THRB: variants seen among roughly 807,000 people sequenced by gnomAD.
The protein encoded by THRB is nuclear receptor subfamily 1 group A member 2.
A neutral mutation model predicts 47.8 loss-of-function variants in THRB; 12 were observed. The observed-to-expected ratio is 0.25, with a 90% CI of 0.16 to 0.41. The LOEUF (loss-of-function observed/expected upper bound fraction) is 0.41. Among genes scored for constraint, THRB ranks in the 10% least tolerant of loss-of-function variants. The probability of loss-of-function intolerance (pLI) is 1.00; values close to 1 mark genes in which losing one functional copy is unlikely to be tolerated. For synonymous variants in THRB, 218 were observed against 212.2 expected, an observed-to-expected ratio of 1.03 and a Z score of -0.24; for missense variants, 348 against 589.2, an observed-to-expected ratio of 0.59 and a Z score of 4.24.
At chr3:24,224,162 T>C (rs1006086043) in intron 4 of THRB, among the ~76,000 whole-genome samples, 4 of 151,356 alleles carry the variant, frequency 2.6e-5, no homozygotes, top group Non-Finnish European at 4.4e-5. Flanking sequence ...TCCTTTAACA[T>C]AGTAGAGTTT....
chr3:24,407,127 C>G (rs1168004224), intron 1 of THRB, among the ~76,000 whole-genome samples: 2 of 151,824 alleles, frequency 1.3e-5, no homozygotes, highest in Non-Finnish European at 2.9e-5. Flanking sequence ...GAAGAAAACA[C>G]AGAGCTCAAG....
chr3:24,147,406 A>G (rs1007859723), intron 6 of THRB, among the ~76,000 whole-genome samples: 1 of 152,200 alleles, frequency 6.6e-6, no homozygotes, highest in Non-Finnish European at 1.5e-5. Context: ...CTTTCAAACA[A>G]TAGGACTCAG....
intron 3 of THRB, among the ~76,000 whole-genome samples, chr3:24,257,427 T>C (rs970319453): frequency 1.1e-4 from 16 of 152,150 alleles, no homozygotes; most frequent in African/African-American, 3.9e-4. Flanking sequence ...GAATATGAAA[T>C]AGATCTTTTT....
chr3:24,282,534 G>T (rs2054723337), intron 3 of THRB, among the ~76,000 whole-genome samples: 1 of 69,826 alleles, frequency 1.4e-5, no homozygotes, highest in Non-Finnish European at 2.5e-5. Flanking sequence ...AACTAGAGAA[G>T]CAAGAGCAAA....
At chr3:24,429,134 A>T (rs941605737) in intron 1 of THRB, among the ~76,000 whole-genome samples, 2 of 151,732 alleles carry the variant, frequency 1.3e-5, no homozygotes, top group Non-Finnish European at 2.9e-5. Context: ...ATTTTAATAC[A>T]TGGTTTATGA....
At chr3:24,134,756 G>A (rs1246602813) in intron 8 of THRB, among the ~76,000 whole-genome samples, 1 of 152,142 alleles carries the variant, frequency 6.6e-6, no homozygotes, top group Non-Finnish European at 1.5e-5. Flanking sequence ...ACAGACTCAA[G>A]CCCTACCCAG....
chr3:24,357,378 A>AAAAAAAAAAAAAAAAC (rs1560011027), intron 1 of THRB, among the ~76,000 whole-genome samples: 21 of 141,272 alleles, frequency 1.5e-4, no homozygotes, highest in African/African-American at 6.2e-4. Context: ...AAAAAAACAA[A>AAAAAAAAAAAAAAAAC]AAACAAACAA....
Position 24,135,846 on chromosome 3 carries a change from T to TATAA in THRB, c.739-2385_739-2384insTTAT, listed in dbSNP as rs1231598841. ...ATATATATATATATATATATATATA[T>TATAA]AATACATAAATATATATTAATTACA... On this transcript the variant is annotated intron_variant, in intron 8 of 10. Coordinates refer to ENST00000646209, the MANE Select transcript of THRB (RefSeq NM_001354712.2). 3.7e-4 allele frequency among the ~76,000 whole-genome samples: 45 copies of TATAA among 121,170 alleles called. 1 individual carries two copies. The highest frequency in any genetic ancestry group is 1.4e-3 in the African/African-American group (43 of 30,570). The allele number at this position is 121,170 out of a possible 152,430, so 79.5% of individuals were successfully genotyped here.
intron 3 of THRB, among the ~76,000 whole-genome samples, chr3:24,267,836 C>A (rs2052821342): frequency 6.6e-6 from 1 of 152,138 alleles, no homozygotes. Context: ...ACTGCAACAC[C>A]CCATGCTGTG....
intron 3 of THRB, among the ~76,000 whole-genome samples, chr3:24,275,420 T>C (rs2053810529): frequency 6.6e-6 from 1 of 152,202 alleles, no homozygotes; most frequent in Non-Finnish European, 1.5e-5. Context: ...TTAAAAATTC[T>C]CTGCTTTGAG....
chr3:24,484,952 T>C (rs1697071901), intron 1 of THRB, among the ~76,000 whole-genome samples: 1 of 152,220 alleles, frequency 6.6e-6, no homozygotes, highest in African/African-American at 2.4e-5. Flanking sequence ...ATTTCCATAA[T>C]GCCACCCATT....
intron 4 of THRB, among the ~76,000 whole-genome samples, chr3:24,205,673 G>A (rs946153317): frequency 3.3e-5 from 5 of 152,160 alleles, no homozygotes; most frequent in Admixed American, 6.5e-5. Context: ...ATGTAAATGG[G>A]CTCATTGCTC....
intron 1 of THRB, among the ~76,000 whole-genome samples, chr3:24,446,605 C>T (rs2072111732): frequency 6.6e-6 from 1 of 151,324 alleles, no homozygotes; most frequent in African/African-American, 2.4e-5. Flanking sequence ...TTTGAAAATT[C>T]CTGCAATGCC....
intron 2 of THRB, among the ~76,000 whole-genome samples, chr3:24,311,474 A>G (rs1421734464): frequency 2.6e-5 from 4 of 152,172 alleles, no homozygotes; most frequent in African/African-American, 9.7e-5. Context: ...TCCAGAGCCC[A>G]TGCTACAAAG....
intron 1 of THRB, among the ~76,000 whole-genome samples, chr3:24,426,636 T>C (rs889900652): frequency 1.3e-5 from 2 of 151,998 alleles, no homozygotes; most frequent in East Asian, 1.9e-4. Context: ...GAACACTGAA[T>C]TGATTTTTAG....
intron 6 of THRB, among the ~76,000 whole-genome samples, chr3:24,149,282 A>C (rs539645020): frequency 6.6e-6 from 1 of 152,332 alleles, no homozygotes; most frequent in Non-Finnish European, 1.5e-5. Flanking sequence ...TAGAAATACC[A>C]AAGTCCAAGA....
chr3:24,379,200 A>G (rs2065515544), intron 1 of THRB, among the ~76,000 whole-genome samples: 1 of 152,118 alleles, frequency 6.6e-6, no homozygotes, highest in Admixed American at 6.6e-5. Flanking sequence ...CTACATTCCT[A>G]TAAGCACAAA....
chr3:24,169,173 G>GA (rs1280249662), intron 5 of THRB, among the ~76,000 whole-genome samples: 1 of 152,104 alleles, frequency 6.6e-6, no homozygotes, highest in African/African-American at 2.4e-5. Flanking sequence ...TGGCCCCTGA[G>GA]AAAAAAACTA....
intron 5 of THRB, among the ~76,000 whole-genome samples, chr3:24,178,279 C>CA (rs2041434944): frequency 6.6e-6 from 1 of 152,172 alleles, no homozygotes; most frequent in Non-Finnish European, 1.5e-5. Context: ...TAGGAACAAA[C>CA]ACCGTATCAT....
Sources: gnomAD v4.1 joint callset for allele counts (sites outside exome capture counted in the v4.1 genomes callset) on GRCh38, gnomAD v4.1.1 for gene constraint, MANE v1.5 for transcripts, NCBI Gene and HGNC (gene_info 2026-07-23, HGNC 2026-07-21) for gene names.